SLC44A3: variants seen among roughly 807,000 people sequenced by gnomAD.
SLC44A3 encodes the protein solute carrier family 44 member 3.
A neutral mutation model predicts 75.4 loss-of-function variants in SLC44A3; 74 were observed. That is an observed-to-expected ratio of 0.98 (90% CI 0.81 to 1.19). The LOEUF is 1.19. SLC44A3 is among the 50% of genes most tolerant of loss of function. The probability of loss-of-function intolerance (pLI) is 0.00; values close to 1 mark genes in which losing one functional copy is unlikely to be tolerated. For synonymous variants in SLC44A3, 310 were observed against 296.9 expected (o/e 1.04, Z -0.45); for missense variants, 700 against 778.6 (o/e 0.90, Z 1.20).
At chr1:94,878,001 A>G (rs61772582) in intron 12 of SLC44A3, among the ~76,000 whole-genome samples, 4 of 152,242 alleles carry the variant, frequency 2.6e-5, no homozygotes, top group East Asian at 1.9e-4. Flanking sequence ...TTGGGAGGCC[A>G]AGGCGGGTGG....
intron 12 of SLC44A3, among the ~76,000 whole-genome samples, chr1:94,879,854 GAAA>G (rs1197953402): frequency 7.0e-6 from 1 of 141,872 alleles, no homozygotes; most frequent in Non-Finnish European, 1.5e-5. Flanking sequence ...AAAAAAAAAA[GAAA>G]AAAAAAGGAA....
At chr1:94,830,233 A>T (rs1016923668) in intron 5 of SLC44A3, among the ~76,000 whole-genome samples, 1 of 152,142 alleles carries the variant, frequency 6.6e-6, no homozygotes, top group Non-Finnish European at 1.5e-5. Context: ...TTTTTTTGAG[A>T]CAGAGTCTTG....
intron 5 of SLC44A3, among the ~76,000 whole-genome samples, chr1:94,830,429 T>C (rs1661970216): frequency 6.6e-6 from 1 of 152,178 alleles, no homozygotes; most frequent in South Asian, 2.1e-4. Context: ...GCCAGGATGG[T>C]CTTGATCTCG....
chr1:94,829,607 G>A (rs949195634), intron 5 of SLC44A3, among the ~76,000 whole-genome samples: 5 of 152,146 alleles, frequency 3.3e-5, no homozygotes, highest in Non-Finnish European at 7.4e-5. Flanking sequence ...CCTTTGAGAA[G>A]GCTAAGGGGA....
chr1:94,848,228 C>CA (rs11372681), intron 9 of SLC44A3, among the ~76,000 whole-genome samples: 75,463 of 138,834 alleles, frequency 0.54, 21,171 homozygotes, highest in Non-Finnish European at 0.63. Context: ...GACTCTGTCT[C>CA]AAAAAAAAAA....
chr1:94,882,773 T>G (rs1264183525), intron 12 of SLC44A3, among the ~76,000 whole-genome samples: 1 of 151,804 alleles, frequency 6.6e-6, no homozygotes, highest in Non-Finnish European at 1.5e-5. Flanking sequence ...AAGGCTTATC[T>G]AAAACAAAGA....
Position 94,837,707 on chromosome 1 carries a change from T to G in SLC44A3, c.510-4T>G, listed in dbSNP as rs1393718967. 2 of 1,555,608 alleles carry G rather than the reference T, an allele frequency of 1.3e-6. No individual in the cohort carries two copies. Among genetic ancestry groups the G allele is most frequent in the Non-Finnish European group, 1.7e-6 (2 of 1,154,662 alleles). On this transcript the variant is annotated splice_region_variant and splice_polypyrimidine_tract_variant and intron_variant, in intron 5 of 14. Coordinates refer to ENST00000271227, the MANE Select transcript of SLC44A3 (RefSeq NM_001114106.3). ...TTTTGCCATCTTTTTTTCTCTATTT[T>G]TAGCAAGTCATTTCCCTTATTTAAC...
At chr1:94,864,562 A>G (rs1322371147) in intron 10 of SLC44A3, among the ~76,000 whole-genome samples, 181 bp from the exon 11 acceptor site, 2 of 152,190 alleles carry the variant, frequency 1.3e-5, no homozygotes, top group Admixed American at 1.3e-4. Flanking sequence ...TGGCACCAAA[A>G]CGAATTAAAT....
intron 9 of SLC44A3, among the ~76,000 whole-genome samples, chr1:94,855,976 T>G (rs1434197793): frequency 1.3e-5 from 2 of 152,188 alleles, no homozygotes; most frequent in Non-Finnish European, 2.9e-5. Flanking sequence ...AAGCTGGGAT[T>G]TGGATTTACC....
At chr1:94,882,475 C>T (rs1325291142) in intron 12 of SLC44A3, among the ~76,000 whole-genome samples, 1 of 152,214 alleles carries the variant, frequency 6.6e-6, no homozygotes, top group African/African-American at 2.4e-5. Context: ...TTTAATTTTG[C>T]CTTCCAGAAA....
Position 94,824,512 on chromosome 1 carries a change from C to T in SLC44A3, c.155C>T (p.Ser52Leu), listed in dbSNP as rs758698244. ...TGCCAGGTGTTTATCATGGGCTACTCGGTGGTGGCTGGAGCCGCGGGAAGA... is the reference window on the plus strand; with the variant it reads ...TGCCAGGTGTTTATCATGGGCTACTTGGTGGTGGCTGGAGCCGCGGGAAGA... ...WTGLVFIMGY[S>L]VVAGAAGRLL... Residue 52 changes from serine to leucine, a missense_variant, in exon 3 of 15, where the codon TCG (serine) becomes TTG (leucine). Ser to Leu is a moderately radical substitution (Grantham distance 145). Transcript: ENST00000271227. 14 of 1,606,782 alleles carry T rather than the reference C, an allele frequency of 8.7e-6. No individual in the cohort carries two copies. The highest frequency in any genetic ancestry group is 7.8e-5 in the South Asian group (7 of 90,176).
chr1:94,852,472 C>A (rs906994808), intron 9 of SLC44A3, among the ~76,000 whole-genome samples: 1 of 152,110 alleles, frequency 6.6e-6, no homozygotes, highest in Non-Finnish European at 1.5e-5. Flanking sequence ...GCAAGGGAAG[C>A]CTATTCAGCG....
chr1:94,863,413 CAT>C (rs2101397586), intron 10 of SLC44A3, among the ~76,000 whole-genome samples: 1 of 152,316 alleles, frequency 6.6e-6, no homozygotes, highest in South Asian at 2.1e-4. Context: ...GCCTATGAAT[CAT>C]GTGTTTCCCT....
At chr1:94,825,767 C>T in intron 3 of SLC44A3, 2 of 453,370 alleles carry the variant, frequency 4.4e-6, no homozygotes, top group East Asian at 7.0e-5. Flanking sequence ...GAGTGTTGCT[C>T]CTAAGGGGGC....
intron 9 of SLC44A3, among the ~76,000 whole-genome samples, chr1:94,847,645 G>A (rs555166569): frequency 1.3e-5 from 2 of 152,308 alleles, no homozygotes; most frequent in African/African-American, 4.8e-5. Flanking sequence ...CAGTGGCCCC[G>A]GTGCATGAAG....
chr1:94,883,105 G>A (rs1283378540), intron 12 of SLC44A3, among the ~76,000 whole-genome samples: 1 of 151,584 alleles, frequency 6.6e-6, no homozygotes, highest in East Asian at 1.9e-4. Flanking sequence ...ATCTGTGAGT[G>A]GAGGAACCGC....
intron 13 of SLC44A3, among the ~76,000 whole-genome samples, chr1:94,891,544 C>A (rs1056105534): frequency 6.6e-6 from 1 of 152,170 alleles, no homozygotes; most frequent in Admixed American, 6.5e-5. Flanking sequence ...TTCTGATTCC[C>A]TCTTTTTCAG....
chr1:94,893,847 C>T (rs1670485801), intron 14 of SLC44A3, among the ~76,000 whole-genome samples: 1 of 151,824 alleles, frequency 6.6e-6, no homozygotes, highest in Non-Finnish European at 1.5e-5. Context: ...GCAATCCCAG[C>T]ACTTTGGGAA....
intron 12 of SLC44A3, among the ~76,000 whole-genome samples, chr1:94,885,848 C>T (rs954662270): frequency 3.3e-5 from 5 of 152,046 alleles, no homozygotes. Flanking sequence ...TTATTATTAG[C>T]GTTATTATTT....
Sources: gnomAD v4.1 joint callset for allele counts (sites outside exome capture counted in the v4.1 genomes callset) on GRCh38, gnomAD v4.1.1 for gene constraint, MANE v1.5 for transcripts, NCBI Gene and HGNC (gene_info 2026-07-23, HGNC 2026-07-21) for gene names.